The following GNAQ variants were observed in gnomAD, a reference collection of about 807,000 sequenced individuals.
The protein encoded by GNAQ is G protein subunit alpha q.
In GNAQ, 8 loss-of-function variants were observed where a neutral mutation model predicts 43.9. The ratio of observed to expected loss-of-function variants is 0.18; its 90% CI spans 0.11 to 0.33. The LOEUF is 0.33. Ranked by LOEUF, GNAQ falls within the 10% of genes least tolerant of loss-of-function variation. GNAQ has a pLI of 1.00. For missense variants in GNAQ, 158 were observed against 450.8 expected, an observed-to-expected ratio of 0.35 and a Z score of 5.88; for synonymous variants, 155 against 170.7, an observed-to-expected ratio of 0.91 and a Z score of 0.71.
At chr9:77,956,680 C>T (rs1361580155) in intron 1 of GNAQ, among the ~76,000 whole-genome samples, 1 of 152,186 alleles carries the variant, frequency 6.6e-6, no homozygotes, top group Non-Finnish European at 1.5e-5. Flanking sequence ...CTGCTCCCAA[C>T]TCAGCTAAAG....
At chr9:77,933,314 T>G (rs763805579) in intron 1 of GNAQ, among the ~76,000 whole-genome samples, 1 of 152,102 alleles carries the variant, frequency 6.6e-6, no homozygotes, top group Non-Finnish European at 1.5e-5. Context: ...GGTAAGAAAC[T>G]TGTTGGTCTC....
chr9:77,900,936 G>A (rs1828599214), intron 2 of GNAQ, among the ~76,000 whole-genome samples: 1 of 152,082 alleles, frequency 6.6e-6, no homozygotes, highest in South Asian at 2.1e-4. Context: ...CTTGTATACT[G>A]TCAAATAGTT....
At chr9:77,777,788 A>G (rs903134915) in intron 5 of GNAQ, among the ~76,000 whole-genome samples, 1 of 150,568 alleles carries the variant, frequency 6.6e-6, no homozygotes, top group African/African-American at 2.4e-5. Context: ...AACCACTAGG[A>G]TGGCTAAAAT....
chr9:77,946,065 A>G (rs1257036881), intron 1 of GNAQ, among the ~76,000 whole-genome samples: 1 of 152,206 alleles, frequency 6.6e-6, no homozygotes, highest in South Asian at 2.1e-4. Context: ...CACAGAACAA[A>G]ATATTAGATG....
intron 1 of GNAQ, among the ~76,000 whole-genome samples, chr9:77,973,014 GAAA>G (rs10541482): frequency 0.26 from 30,233 of 114,590 alleles, 3,226 homozygotes; most frequent in South Asian, 0.42. Flanking sequence ...AAAAAGAAAG[GAAA>G]AAAAAAAAAA....
chr9:78,007,422 C>A (rs953040574), intron 1 of GNAQ, among the ~76,000 whole-genome samples: 2 of 151,246 alleles, frequency 1.3e-5, no homozygotes, highest in South Asian at 4.2e-4. Context: ...AGCAAGCCAC[C>A]CACTAGAAAA....
intron 2 of GNAQ, among the ~76,000 whole-genome samples, chr9:77,887,131 A>ATAAAG: frequency 8.5e-6 from 1 of 117,024 alleles, no homozygotes; most frequent in East Asian, 3.4e-4. Flanking sequence ...CTAAAATAAA[A>ATAAAG]TAAAGTAAAA....
intron 2 of GNAQ, among the ~76,000 whole-genome samples, chr9:77,850,000 G>C (rs765587077): frequency 3.0e-4 from 45 of 152,138 alleles, no homozygotes; most frequent in African/African-American, 1.1e-3. Flanking sequence ...GTTCTTCTGT[G>C]ATTTTCTGAT....
chr9:77,958,058 T>C (rs940320009), intron 1 of GNAQ, among the ~76,000 whole-genome samples: 6 of 152,204 alleles, frequency 3.9e-5, no homozygotes, highest in Admixed American at 6.5e-5. Flanking sequence ...TGTGGACAAA[T>C]TACTTAACAT....
intron 2 of GNAQ, among the ~76,000 whole-genome samples, chr9:77,816,055 C>T (rs1173656697): frequency 6.6e-6 from 1 of 152,130 alleles, no homozygotes; most frequent in Non-Finnish European, 1.5e-5. Context: ...GAATGTTATG[C>T]TTACACATAC....
intron 5 of GNAQ, among the ~76,000 whole-genome samples, chr9:77,788,371 TCAA>T (rs1473906954): frequency 6.6e-6 from 1 of 152,004 alleles, no homozygotes; most frequent in Non-Finnish European, 1.5e-5. Context: ...AAAAAAAATC[TCAA>T]CAACAATGCT....
intron 2 of GNAQ, among the ~76,000 whole-genome samples, chr9:77,897,082 T>G (rs1828516433): frequency 6.6e-6 from 1 of 152,190 alleles, no homozygotes; most frequent in African/African-American, 2.4e-5. Context: ...ACCCGCCCCT[T>G]TGCCCCATTA....
chr9:77,976,382 T>A (rs759599363), intron 1 of GNAQ, among the ~76,000 whole-genome samples: 49 of 150,374 alleles, frequency 3.3e-4, no homozygotes, highest in Non-Finnish European at 6.3e-4. Context: ...GGTTTTTGGT[T>A]TTTTTTTGTT....
At chr9:77,874,209 T>C (rs1564137401) in intron 2 of GNAQ, among the ~76,000 whole-genome samples, 1 of 152,194 alleles carries the variant, frequency 6.6e-6, no homozygotes, top group South Asian at 2.1e-4. Flanking sequence ...ACACAGGTAG[T>C]CTGTGACAGG....
intron 1 of GNAQ, among the ~76,000 whole-genome samples, chr9:78,026,644 G>A (rs1436111282): frequency 6.6e-6 from 1 of 151,646 alleles, no homozygotes; most frequent in Non-Finnish European, 1.5e-5. Context: ...TGACCTCTAG[G>A]TTAATTCAGG....
At chr9:77,911,751 ACTCCATTGCACTCAGTGTC>A (rs1828808636) in intron 2 of GNAQ, among the ~76,000 whole-genome samples, 1 of 152,130 alleles carries the variant, frequency 6.6e-6, no homozygotes, top group Non-Finnish European at 1.5e-5. Context: ...ATTTGGTAGA[ACTCCATTGCACTCAGTGTC>A]CAGCTCCAAC....
rs373522225 is a variant in GNAQ, at chr9:77,937,126, A to AC, written c.137-14782dup. Among the ~76,000 whole-genome samples, 247 of 152,262 alleles carry AC rather than the reference A, an allele frequency of 1.6e-3. 2 individuals are homozygous for AC. Among genetic ancestry groups the AC allele is most frequent in the African/African-American group, 5.1e-3 (211 of 41,536 alleles). The stretch of plus-strand genomic sequence containing the variant: ...ACGGCTTTGTTGATATCACATATAT[A>AC]CCCTACAACTCAGCCATTTAAAATG... On this transcript the variant is annotated intron_variant, in intron 1 of 6. Transcript: ENST00000286548.
At chr9:77,882,336 AT>A (rs1342298443) in intron 2 of GNAQ, among the ~76,000 whole-genome samples, 16 of 152,308 alleles carry the variant, frequency 1.1e-4, no homozygotes, top group Admixed American at 3.3e-4. Flanking sequence ...TTGTATTTAA[AT>A]AACCCAAATT....
At chr9:77,859,089 ATGTTGACACCCC>A (rs1827803826) in intron 2 of GNAQ, among the ~76,000 whole-genome samples, 1 of 152,124 alleles carries the variant, frequency 6.6e-6, no homozygotes, top group African/African-American at 2.4e-5. Context: ...TGATCTTCCC[ATGTTGACACCCC>A]CAATTTCACA....
Sources: allele counts gnomAD v4.1 joint callset (sites outside exome capture counted in the v4.1 genomes callset), GRCh38; gene constraint gnomAD v4.1.1; transcripts MANE v1.5; gene names NCBI Gene and HGNC (gene_info 2026-07-23, HGNC 2026-07-21).